The following C13orf42 variants were observed in gnomAD, a reference collection of about 807,000 sequenced individuals.
The protein encoded by C13orf42 is uncharacterized protein C13orf42.
At chr13:51,129,971 G>A (rs948561518) in intron 1 of C13orf42, among the ~76,000 whole-genome samples, 18 of 152,216 alleles carry the variant, frequency 1.2e-4, no homozygotes, top group Admixed American at 4.6e-4. Context: ...ATGGCAGCCC[G>A]GGTTCAGGGT....
chr13:51,141,142 G>A (rs1953693370), intron 1 of C13orf42, among the ~76,000 whole-genome samples: 1 of 146,480 alleles, frequency 6.8e-6, no homozygotes, highest in African/African-American at 2.5e-5. Context: ...GTGTGTGTAT[G>A]CATGTTTGTA....
chr13:51,123,658 C>A (rs6561615), intron 1 of C13orf42, among the ~76,000 whole-genome samples: 34,741 of 152,146 alleles, frequency 0.23, 5,359 homozygotes, highest in African/African-American at 0.43. Context: ...CTACATAGTT[C>A]AATCTGCCTC....
intron 1 of C13orf42, among the ~76,000 whole-genome samples, chr13:51,091,638 T>C (rs932239679): frequency 3.3e-5 from 5 of 152,100 alleles, no homozygotes; most frequent in Non-Finnish European, 7.4e-5. Context: ...TATGCTGCCC[T>C]TTTCCTAAAC....
intron 3 of C13orf42, among the ~76,000 whole-genome samples, chr13:51,084,669 C>T (rs574881817): frequency 1.3e-5 from 2 of 152,376 alleles, no homozygotes; most frequent in African/African-American, 2.4e-5. Context: ...GCTGATGAGG[C>T]TTGACAGGCC....
intron 1 of C13orf42, among the ~76,000 whole-genome samples, chr13:51,128,459 A>T (rs557335545): frequency 1.3e-5 from 2 of 152,128 alleles, no homozygotes; most frequent in Non-Finnish European, 2.9e-5. Flanking sequence ...GGGTGCATAT[A>T]CCTGGGTAAA....
intron 1 of C13orf42, among the ~76,000 whole-genome samples, chr13:51,132,764 GA>G (rs1953627415): frequency 6.6e-6 from 1 of 152,144 alleles, no homozygotes; most frequent in Non-Finnish European, 1.5e-5. Flanking sequence ...AAATGACGCT[GA>G]GACCTGCTGG....
At chr13:51,137,954 T>G (rs533860362) in intron 1 of C13orf42, among the ~76,000 whole-genome samples, 3 of 152,336 alleles carry the variant, frequency 2.0e-5, no homozygotes, top group Admixed American at 2.0e-4. Context: ...TGTCTACCAT[T>G]CTTCAGCTTC....
At chr13:51,168,461 T>TG (rs749020126) in intron 1 of C13orf42, among the ~76,000 whole-genome samples, 4 of 152,224 alleles carry the variant, frequency 2.6e-5, no homozygotes, top group Non-Finnish European at 5.9e-5. Flanking sequence ...TTCTGACAAG[T>TG]GGGAAGTAGT....
intron 1 of C13orf42, among the ~76,000 whole-genome samples, chr13:51,123,988 C>T: frequency 6.6e-6 from 1 of 152,202 alleles, no homozygotes. Flanking sequence ...TAAATATTAC[C>T]AGCCATTATT....
intron 1 of C13orf42, among the ~76,000 whole-genome samples, chr13:51,119,938 C>G (rs73188244): frequency 0.035 from 5,358 of 151,880 alleles, 96 homozygotes; most frequent in Non-Finnish European, 0.046. Flanking sequence ...TCTAGAGGAA[C>G]TCCCGACTCA....
At chr13:51,116,639 T>G (rs1292407884) in intron 1 of C13orf42, among the ~76,000 whole-genome samples, 1 of 152,226 alleles carries the variant, frequency 6.6e-6, no homozygotes. Context: ...TTAGGAAACT[T>G]AAGTAGGAGC....
At chr13:51,102,429 G>A (rs1024333005) in intron 1 of C13orf42, among the ~76,000 whole-genome samples, 1 of 152,208 alleles carries the variant, frequency 6.6e-6, no homozygotes, top group East Asian at 1.9e-4. Flanking sequence ...TATGAACCAA[G>A]GCTGAGTGGC....
At chr13:51,160,865 CA>C (rs555835011) in intron 1 of C13orf42, among the ~76,000 whole-genome samples, 1 of 149,934 alleles carries the variant, frequency 6.7e-6, no homozygotes, top group Non-Finnish European at 1.5e-5. Flanking sequence ...AAAAACAGGG[CA>C]AGGAAACCTG....
chr13:51,095,115 A>T (rs1168954640), intron 1 of C13orf42, among the ~76,000 whole-genome samples: 2 of 152,186 alleles, frequency 1.3e-5, no homozygotes, highest in East Asian at 3.8e-4. Context: ...TCTTTTATAA[A>T]TTACCCAGTC....
At chr13:51,123,211 T>C (rs1043216331) in intron 1 of C13orf42, among the ~76,000 whole-genome samples, 10 of 152,224 alleles carry the variant, frequency 6.6e-5, no homozygotes, top group Admixed American at 2.6e-4. Flanking sequence ...TGGGCTACTT[T>C]TGCTGTGACA....
At chr13:51,168,406 T>C (rs1953918193) in intron 1 of C13orf42, among the ~76,000 whole-genome samples, 1 of 152,212 alleles carries the variant, frequency 6.6e-6, no homozygotes, top group Admixed American at 6.5e-5. Flanking sequence ...ATAAAGGCTA[T>C]ATTTCCCAGC....
At chr13:51,115,171 T>C (rs533543219), upstream of C13orf42, among the ~76,000 whole-genome samples, 2 of 152,314 alleles carry the variant, frequency 1.3e-5, no homozygotes, top group South Asian at 4.1e-4. Context: ...TCCAGGTAAA[T>C]ATTTGGAATC....
intron 1 of C13orf42, among the ~76,000 whole-genome samples, chr13:51,100,359 C>T (rs549937210): frequency 2.0e-5 from 3 of 152,154 alleles, no homozygotes; most frequent in South Asian, 4.1e-4. Context: ...GGTATAATAA[C>T]TTGGAGAAAA....
chr13:51,138,801 C>T (rs1282811590), intron 1 of C13orf42, among the ~76,000 whole-genome samples: 1 of 152,194 alleles, frequency 6.6e-6, no homozygotes, highest in Non-Finnish European at 1.5e-5. Flanking sequence ...TTCCCTGCAG[C>T]ACTATTCACA....
Sources: allele counts gnomAD v4.1 joint callset (sites outside exome capture counted in the v4.1 genomes callset), GRCh38; gene constraint gnomAD v4.1.1; transcripts MANE v1.5; gene names NCBI Gene and HGNC (gene_info 2026-07-23, HGNC 2026-07-21).